Variants in HTR4 observed in about 807,000 individuals in gnomAD.
HTR4 encodes the protein 5-hydroxytryptamine receptor 4, also known as 5-hydroxytryptamine (serotonin) receptor 4, G protein-coupled.
A neutral mutation model predicts 36.8 loss-of-function variants in HTR4; 16 were observed. The ratio of observed to expected loss-of-function variants is 0.43; its 90% CI spans 0.29 to 0.66. The LOEUF is 0.66. Among genes scored for constraint, HTR4 ranks in the 30% least tolerant of loss-of-function variants. HTR4 has a pLI of 0.13. For synonymous variants in HTR4, 189 were observed against 185.1 expected (o/e 1.02, Z -0.17); for missense variants, 438 against 490.9 (o/e 0.89, Z 1.02).
At chr5:148,476,946 C>T (rs1372445799), downstream of HTR4, among the ~76,000 whole-genome samples, 1 of 152,124 alleles carries the variant, frequency 6.6e-6, no homozygotes, top group Non-Finnish European at 1.5e-5. Context: ...GAATCATGCC[C>T]AGTGGAAAGA....
At chr5:148,492,264 A>G (rs1756489818) in intron 6 of HTR4, among the ~76,000 whole-genome samples, 2 of 152,238 alleles carry the variant, frequency 1.3e-5, no homozygotes, top group African/African-American at 2.4e-5. Context: ...CATGGCTAGT[A>G]TATTTTATGT....
At chr5:148,463,116 G>A (rs775452225) in intron 5 of HTR4, among the ~76,000 whole-genome samples, 27 of 148,666 alleles carry the variant, frequency 1.8e-4, no homozygotes, top group Non-Finnish European at 3.1e-4. Context: ...AAGGATGTCC[G>A]CTGTCACCAC....
chr5:148,644,448 T>C (rs1753821115), intron 1 of HTR4, among the ~76,000 whole-genome samples: 1 of 142,776 alleles, frequency 7.0e-6, no homozygotes, highest in African/African-American at 2.6e-5. Context: ...TTTTTTTTTT[T>C]TTTTTTTGCT....
At chr5:148,626,336 T>C (rs1581564034) in intron 2 of HTR4, among the ~76,000 whole-genome samples, 2 of 152,210 alleles carry the variant, frequency 1.3e-5, no homozygotes, top group East Asian at 3.8e-4. Flanking sequence ...TCTACTAAAG[T>C]ACTAAATTAG....
intron 1 of HTR4, among the ~76,000 whole-genome samples, chr5:148,642,177 A>C: frequency 6.6e-6 from 1 of 152,178 alleles, no homozygotes; most frequent in East Asian, 1.9e-4. Context: ...GGAGTAAGTA[A>C]AACATTATTA....
chr5:148,651,592 A>G (rs1021851748), intron 1 of HTR4, among the ~76,000 whole-genome samples: 15 of 152,024 alleles, frequency 9.9e-5, no homozygotes, highest in Non-Finnish European at 1.9e-4. Flanking sequence ...TGAACATTCT[A>G]TGATGCAGAG....
intron 2 of HTR4, among the ~76,000 whole-genome samples, chr5:148,583,645 CATCA>C (rs1561633706): frequency 7.1e-6 from 1 of 141,162 alleles, no homozygotes; most frequent in Non-Finnish European, 1.5e-5. Context: ...TCATCATCAT[CATCA>C]TTATTATCAT....
chr5:148,652,204 C>CA (rs1754060503), intron 1 of HTR4, among the ~76,000 whole-genome samples: 1 of 152,036 alleles, frequency 6.6e-6, no homozygotes, highest in East Asian at 1.9e-4. Context: ...AACGTGGTAG[C>CA]AGTGGGAATA....
In HTR4 at chr5:148,524,181, A is replaced by T. The variant is rs80225165; in HGVS notation, c.354-835T>A. Among the ~76,000 whole-genome samples the T allele has an allele frequency of 8.4e-3, 1,280 of 152,234 alleles. 10 individuals are homozygous for T. Among genetic ancestry groups the T allele is most frequent in the Non-Finnish European group, 0.013 (904 of 68,022 alleles). On this transcript the variant is annotated intron_variant, in intron 4 of 6. Transcript: ENST00000377888. Reference sequence around the variant, plus strand: ...TGTGAGTTATTACTAAGTGTGAGTTATTGTTAAGGATACTCAGTTTCCTCC... The same window carrying T: ...TGTGAGTTATTACTAAGTGTGAGTTTTTGTTAAGGATACTCAGTTTCCTCC...
chr5:148,470,544 C>T (rs1488502426), intron 5 of HTR4, among the ~76,000 whole-genome samples: 1 of 152,120 alleles, frequency 6.6e-6, no homozygotes, highest in Non-Finnish European at 1.5e-5. Context: ...TTTTGCTTTC[C>T]TTGTTTTCCT....
intron 6 of HTR4, among the ~76,000 whole-genome samples, chr5:148,506,127 T>C (rs1380583276): frequency 6.6e-6 from 1 of 152,102 alleles, no homozygotes. Context: ...CAAACTATAC[T>C]ACAAGGCTAC....
intron 3 of HTR4, among the ~76,000 whole-genome samples, chr5:148,549,176 A>C (rs1581461232): frequency 2.0e-5 from 3 of 152,024 alleles, no homozygotes; most frequent in Non-Finnish European, 2.9e-5. Context: ...GTTTCCCTGC[A>C]CATATAGGTC....
chr5:148,654,254 G>A lies in HTR4; in HGVS notation c.-240C>T, dbSNP rs991389611. 8 of 985,182 alleles carry A rather than the reference G, an allele frequency of 8.1e-6. No homozygotes were observed. Among genetic ancestry groups the A allele is most frequent in the South Asian group, 4.7e-5 (1 of 21,282 alleles). The allele number at this position is 985,182 out of a possible 1,614,324, so 61.0% of individuals were successfully genotyped here. A position where few individuals can be genotyped will look rare whatever the true frequency, so the allele number is the denominator to read the frequency against. Reference sequence around the variant, plus strand: ...GGCGAGCGTGAGGCGCGGGCCAGGGGCTGCGGGCGCAGGACCCCAGCCCCG... The same window carrying A: ...GGCGAGCGTGAGGCGCGGGCCAGGGACTGCGGGCGCAGGACCCCAGCCCCG... On this transcript the variant is annotated 5_prime_UTR_variant, in exon 1 of 7. Transcript: ENST00000377888.
At chr5:148,607,389 C>T (rs772889183) in intron 2 of HTR4, among the ~76,000 whole-genome samples, 7 of 152,142 alleles carry the variant, frequency 4.6e-5, no homozygotes, top group Non-Finnish European at 7.3e-5. Context: ...TGCTGTGATT[C>T]GGGCAGCAGT....
chr5:148,549,576 C>T (rs377586136), intron 3 of HTR4, among the ~76,000 whole-genome samples: 1 of 152,140 alleles, frequency 6.6e-6, no homozygotes, highest in African/African-American at 2.4e-5. Context: ...GGAGTTAACG[C>T]CTCTCCCCTC....
intron 5 of HTR4, among the ~76,000 whole-genome samples, chr5:148,463,296 C>T (rs1755333653): frequency 6.6e-6 from 1 of 150,618 alleles, no homozygotes; most frequent in African/African-American, 2.5e-5. Context: ...CCTCAGCCTC[C>T]CAAGTAGATG....
chr5:148,463,550 C>A (rs1359463740), intron 5 of HTR4, among the ~76,000 whole-genome samples: 1 of 151,862 alleles, frequency 6.6e-6, no homozygotes, highest in Non-Finnish European at 1.5e-5. Context: ...AAGAAAAGTA[C>A]AAAACTCTGA....
In HTR4 at chr5:148,563,187, G is replaced by A. The variant is rs147570095; in HGVS notation, c.27-12925C>T. ...ACTCTCTCTTTCCCAGGCTGCTCCC[G>A]CTAAGGAGACTTCCTGACTTCCACA... On this transcript the variant is annotated intron_variant, in intron 2 of 6. Transcript: ENST00000377888. 2.7e-3 allele frequency among the ~76,000 whole-genome samples: 414 copies of A among 152,130 alleles called. 1 individual carries two copies. Among genetic ancestry groups the A allele is most frequent in the Non-Finnish European group, 3.5e-3 (240 of 67,986 alleles).
chr5:148,593,073 T>C (rs1159442580), intron 2 of HTR4, among the ~76,000 whole-genome samples: 1 of 152,202 alleles, frequency 6.6e-6, no homozygotes, highest in Non-Finnish European at 1.5e-5. Flanking sequence ...CTCAAACTGG[T>C]ATGCAATCTG....
Sources: gnomAD v4.1 joint callset for allele counts (sites outside exome capture counted in the v4.1 genomes callset) on GRCh38, gnomAD v4.1.1 for gene constraint, MANE v1.5 for transcripts, NCBI Gene and HGNC (gene_info 2026-07-23, HGNC 2026-07-21) for gene names.